EPB41L3: variants seen among roughly 807,000 people sequenced by gnomAD.
The protein encoded by EPB41L3 is erythrocyte membrane protein band 4.1 like 3.
In EPB41L3, 57 loss-of-function variants were observed where a neutral mutation model predicts 127.1. The observed-to-expected ratio is 0.45, with a 90% CI of 0.36 to 0.56. The LOEUF (loss-of-function observed/expected upper bound fraction) is 0.56. Ranked by LOEUF, EPB41L3 falls within the 20% of genes least tolerant of loss-of-function variation. The probability of loss-of-function intolerance (pLI) is 0.00; values close to 1 mark genes in which losing one functional copy is unlikely to be tolerated. For missense variants in EPB41L3, 1,273 were observed against 1,372.2 expected (o/e 0.93, Z 1.14); for synonymous variants, 572 against 549.5 (o/e 1.04, Z -0.57).
At chr18:5,496,366 T>A (rs1216517987) in intron 1 of EPB41L3, among the ~76,000 whole-genome samples, 14 of 152,244 alleles carry the variant, frequency 9.2e-5, no homozygotes, top group Admixed American at 9.2e-4. Flanking sequence ...TGATCCCACA[T>A]GTACCCAAAT....
chr18:5,417,018 C>T (rs1480881471), intron 12 of EPB41L3, among the ~76,000 whole-genome samples: 1 of 152,182 alleles, frequency 6.6e-6, no homozygotes, highest in Non-Finnish European at 1.5e-5. Context: ...TCTCACTCCT[C>T]AGAAAAGAAC....
chr18:5,529,490 G>C (rs2093342841), intron 1 of EPB41L3, among the ~76,000 whole-genome samples: 1 of 152,096 alleles, frequency 6.6e-6, no homozygotes, highest in African/African-American at 2.4e-5. Flanking sequence ...AAGATGAAAG[G>C]GAAGCAGAGG....
At chr18:5,542,806 C>T (rs552911601) in intron 1 of EPB41L3, among the ~76,000 whole-genome samples, 1 of 152,330 alleles carries the variant, frequency 6.6e-6, no homozygotes, top group South Asian at 2.1e-4. Flanking sequence ...TTACAATTTA[C>T]TAGGTAACCA....
chr18:5,406,741 C>T, intron 16 of EPB41L3, 36 bp downstream of exon 16: 1 of 1,575,374 alleles, frequency 6.3e-7, no homozygotes, highest in Non-Finnish European at 8.7e-7. Context: ...GGCGGGTAAA[C>T]AGAATACGAG....
At chr18:5,575,395 C>T (rs2094327051) in intron 3 of EPB41L3, among the ~76,000 whole-genome samples, 1 of 152,022 alleles carries the variant, frequency 6.6e-6, no homozygotes, top group African/African-American at 2.4e-5. Flanking sequence ...GAATTCTCGC[C>T]CCTGTTTGTT....
intron 5 of EPB41L3, among the ~76,000 whole-genome samples, chr18:5,440,353 A>T (rs2080498849): frequency 6.6e-6 from 1 of 152,220 alleles, no homozygotes; most frequent in South Asian, 2.1e-4. Flanking sequence ...CTACACCCCA[A>T]TAAAGAAAAA....
chr18:5,542,152 T>A (rs2149067072), intron 1 of EPB41L3, among the ~76,000 whole-genome samples: 1 of 152,330 alleles, frequency 6.6e-6, no homozygotes, highest in Non-Finnish European at 1.5e-5. Context: ...ATGCATTTTT[T>A]AAACACTCAC....
chr18:5,437,313 G>A (rs2080000110), intron 6 of EPB41L3, among the ~76,000 whole-genome samples: 1 of 152,212 alleles, frequency 6.6e-6, no homozygotes, highest in South Asian at 2.1e-4. Context: ...ACAGTAAGAA[G>A]TCAGCATTCT....
At chr18:5,593,767 G>A (rs1016003881) in intron 3 of EPB41L3, among the ~76,000 whole-genome samples, 39 of 152,250 alleles carry the variant, frequency 2.6e-4, no homozygotes, top group South Asian at 6.2e-4. Context: ...CATTTTAGAG[G>A]CCCACCTTCA....
upstream of EPB41L3, among the ~76,000 whole-genome samples, chr18:5,546,117 G>A (rs1451592875): frequency 2.0e-5 from 3 of 152,090 alleles, no homozygotes; most frequent in East Asian, 5.8e-4. Context: ...AAAATTGAAA[G>A]CAAACTTTTT....
At chr18:5,412,469 G>A (rs1342124546) in intron 13 of EPB41L3, among the ~76,000 whole-genome samples, 3 of 152,006 alleles carry the variant, frequency 2.0e-5, no homozygotes, top group Non-Finnish European at 2.9e-5. Context: ...CAAGTGATCC[G>A]CCTGCCTCGG....
At chr18:5,559,955 A>T (rs907262321) in intron 3 of EPB41L3, among the ~76,000 whole-genome samples, 3 of 152,232 alleles carry the variant, frequency 2.0e-5, no homozygotes, top group Non-Finnish European at 4.4e-5. Context: ...TAGAATGAGC[A>T]TGTTATTTAG....
At chr18:5,424,186 T>G (rs1340266845) in intron 10 of EPB41L3, 76 bp downstream of exon 10, 2 of 1,032,856 alleles carry the variant, frequency 1.9e-6, no homozygotes, top group Non-Finnish European at 2.7e-6. Context: ...AATTCCATAT[T>G]TTTTATTGAC....
At chr18:5,482,125 G>A (rs1413235278) in intron 2 of EPB41L3, among the ~76,000 whole-genome samples, 1 of 152,052 alleles carries the variant, frequency 6.6e-6, no homozygotes, top group Non-Finnish European at 1.5e-5. Context: ...AAAATGAAAA[G>A]CAATTCAGAA....
intron 1 of EPB41L3, among the ~76,000 whole-genome samples, chr18:5,503,583 G>A (rs1472346546): frequency 6.6e-6 from 1 of 152,214 alleles, no homozygotes; most frequent in African/African-American, 2.4e-5. Flanking sequence ...GCACACAGGT[G>A]ATTCTTCCAC....
chr18:5,549,278 G>T (rs1460775208), upstream of EPB41L3, among the ~76,000 whole-genome samples: 4 of 152,082 alleles, frequency 2.6e-5, no homozygotes, highest in Admixed American at 2.6e-4. Flanking sequence ...AACAGTGAGG[G>T]TACAACCTGA....
intron 4 of EPB41L3, 104 bp from the exon 5 acceptor site, chr18:5,443,984 C>A: frequency 1.1e-6 from 1 of 942,878 alleles, no homozygotes; most frequent in South Asian, 1.9e-5. Context: ...AGTTAGTGGT[C>A]GTGGGAAGGC....
At chr18:5,534,052 C>T (rs1216141205) in intron 1 of EPB41L3, among the ~76,000 whole-genome samples, 1 of 152,066 alleles carries the variant, frequency 6.6e-6, no homozygotes, top group African/African-American at 2.4e-5. Flanking sequence ...AGTCCCAGCT[C>T]CTTGGGAGTC....
At position 5,552,296 on chromosome 18, in the gene EPB41L3, A is replaced by G. The variant is rs1378298260; in HGVS notation, c.-306+60044T>C. Among the ~76,000 whole-genome samples the G allele has an allele frequency of 2.0e-5, 3 of 152,366 alleles. No individual in the cohort carries two copies. In the East Asian group the frequency reaches 5.8e-4, roughly 29 times the overall value. On this transcript the variant is annotated intron_variant, in intron 3 of 21. Coordinates refer to the EPB41L3 transcript ENST00000545076. ...CAATAAAATGCTGGCATATTTCACA[A>G]CAGGCATAAAGAACTCATCACACGT...
Sources: allele counts gnomAD v4.1 joint callset (sites outside exome capture counted in the v4.1 genomes callset), GRCh38; gene constraint gnomAD v4.1.1; transcripts MANE v1.5; gene names NCBI Gene and HGNC (gene_info 2026-07-23, HGNC 2026-07-21).